The following ARHGAP45 variants were observed in gnomAD, a reference collection of about 807,000 sequenced individuals.
ARHGAP45 encodes rho GTPase-activating protein 45.
In ARHGAP45, 56 loss-of-function variants were observed where a neutral mutation model predicts 116.1. The observed-to-expected ratio is 0.48, with a 90% confidence interval of 0.39 to 0.60. ARHGAP45 has a LOEUF of 0.60. Among genes scored for constraint, ARHGAP45 ranks in the 20% least tolerant of loss-of-function variants. The pLI, the probability that ARHGAP45 is intolerant of heterozygous loss-of-function variation, is 0.00. For missense variants in ARHGAP45, 1,622 were observed against 1,601.0 expected, an observed-to-expected ratio of 1.01 and a Z score of -0.22; for synonymous variants, 866 against 701.7, an observed-to-expected ratio of 1.23 and a Z score of -3.70.
chr19:1,073,532 C>G lies in ARHGAP45; in HGVS notation c.592C>G (p.Leu198Val). ...KAFHYESNND[L>V]EKQEFEKALE... ...CTTCCATTATGAGAGCAACAATGATCTGGAGAAACAGGAGTTCGAGAAGGC... is the reference window on the plus strand; with the variant it reads ...CTTCCATTATGAGAGCAACAATGATGTGGAGAAACAGGAGTTCGAGAAGGC... The change falls in exon 4 of 23, where the codon CTG becomes GTG. Residue 198 changes from leucine (L) to valine (V), a missense_variant. Leu to Val is a conservative substitution (Grantham distance 32, BLOSUM62 1). Transcript: ENST00000313093. The G allele has an allele frequency of 6.8e-6, 11 of 1,614,028 alleles. No homozygotes were observed. The highest frequency in any genetic ancestry group is 8.5e-6 in the Non-Finnish European group (10 of 1,179,990).
At chr19:1,076,296 G>C (rs1453857301) in intron 10 of ARHGAP45, among the ~76,000 whole-genome samples, 4 of 152,006 alleles carry the variant, frequency 2.6e-5, no homozygotes, top group African/African-American at 4.8e-5. Context: ...CTTATCCTTT[G>C]CTTACTTTGT....
Position 1,080,934 on chromosome 19 carries a change from C to A in ARHGAP45, c.2060C>A (p.Pro687His), listed in dbSNP as rs920369946. ...ACCCCCGAGCTGCCGGTGGCCGTGC[C>A]CAGTGGACCGTTCCGCCACGAGGGG... ...GMTPELPVAV[P>H]SGPFRHEGLS... Residue 687 changes from proline (P) to histidine (H), a missense_variant, in exon 17 of 23, where the codon CCC becomes CAC. Around this residue, in one of 3 missense-constraint regions of ARHGAP45, gnomAD observed 1,334 missense variants for 1,263.8 expected, o/e 1.06. Transcript: ENST00000313093. The A allele has an allele frequency of 6.2e-7, 1 of 1,609,788 alleles. No homozygotes were observed. Among genetic ancestry groups the A allele is most frequent in the African/African-American group, 1.3e-5 (1 of 74,894 alleles).
intron 2 of ARHGAP45, among the ~76,000 whole-genome samples, chr19:1,072,515 A>G (rs2043159462): frequency 6.6e-6 from 1 of 152,108 alleles, no homozygotes; most frequent in South Asian, 2.1e-4. Flanking sequence ...TCAGCCTCCC[A>G]AAGTGCTGGG....
upstream of ARHGAP45, chr19:1,067,060 G>C: frequency 1.7e-6 from 1 of 586,420 alleles, no homozygotes; most frequent in Non-Finnish European, 2.2e-6. Context: ...TCAGGCAGGG[G>C]CTCCCGGTCC....
Position 1,073,283 on chromosome 19 carries a change from A to C in ARHGAP45, c.556A>C (p.Lys186Gln). 2 of 1,613,302 alleles carry C rather than the reference A, an allele frequency of 1.2e-6. No homozygotes were observed. Among genetic ancestry groups the C allele is most frequent in the Non-Finnish European group, 8.5e-7 (1 of 1,179,888 alleles). The change falls in exon 3 of 23, where the codon AAG becomes CAG. Residue 186 changes from lysine (K) to glutamine (Q), a missense_variant. Physicochemically the swap from Lys to Gln is moderately conservative, Grantham distance 53. Coordinates refer to ENST00000313093, the MANE Select transcript of ARHGAP45 (RefSeq NM_012292.5). ...CACCGCAGCCGGCACCCTCATTGCC[A>C]AGGTCAAAGGTCAGCCTGCTGGAAC... is the stretch of plus-strand genomic sequence containing the variant. ...TLTAAGTLIA[K>Q]VKAFHYESNN... is the part of the protein sequence containing the mutation.
In ARHGAP45 at chr19:1,083,306, T is replaced by C. The variant is rs2043500023; in HGVS notation, c.2908T>C (p.Tyr970His). ...CGTCATCGAGACTCTCATCGTCCAC[T>C]ACGGCCTGGTCTTCGAGGAGGAGCC... ...ARVIETLIVH[Y>H]GLVFEEEPEE... Residue 970 changes from tyrosine to histidine, a missense_variant, in exon 21 of 23, where the codon TAC becomes CAC. By Grantham distance (83) the Tyr-to-His change is moderately conservative (BLOSUM62 2). Coordinates refer to ENST00000313093, the MANE Select transcript of ARHGAP45 (RefSeq NM_012292.5). The C allele has an allele frequency of 6.4e-7, 1 of 1,574,658 alleles. No individual in the cohort carries two copies. Among genetic ancestry groups the C allele is most frequent in the Non-Finnish European group, 8.6e-7 (1 of 1,160,130 alleles).
At position 1,083,219 on chromosome 19, in the gene ARHGAP45, C is replaced by T; in HGVS notation, c.2821C>T (p.Pro941Ser). Residue 941 changes from proline (P) to serine (S), a missense_variant, in exon 21 of 23, where the codon CCA (proline) becomes TCA (serine). Physicochemically the swap from Pro to Ser is moderately conservative, Grantham distance 74. Coordinates refer to ENST00000313093, the MANE Select transcript of ARHGAP45 (RefSeq NM_012292.5). ...CGTGTTCGGGCCCACGCTGCTTCGG[C>T]CACGGCCCACCGAGGCCACCGTGTC... Reference protein sequence around the residue: ...GIVFGPTLLRPRPTEATVSLS... With the variant: ...GIVFGPTLLRSRPTEATVSLS... 6.2e-7 allele frequency: 1 copy of T among 1,609,360 alleles called. No homozygotes were observed. Among genetic ancestry groups the T allele is most frequent in the South Asian group, 1.1e-5 (1 of 90,136 alleles).
Position 1,080,007 on chromosome 19 carries a change from G to C in ARHGAP45, c.1592G>C (p.Ser531Thr), listed in dbSNP as rs1157973577. 6.2e-7 allele frequency: 1 copy of C among 1,612,856 alleles called. No individual in the cohort carries two copies. Among genetic ancestry groups the C allele is most frequent in the Non-Finnish European group, 8.5e-7 (1 of 1,179,926 alleles). ...PVHFQMLCES[S>T]KLYDPGQQYA... ...CACTTCCAGATGCTGTGTGAGAGCA[G>C]CAAGCTGTATGACCCAGGCCAGCAG... The change falls in exon 13 of 23, where the codon AGC becomes ACC. Residue 531 changes from serine to threonine, a missense_variant. Physicochemically the swap from Ser to Thr is moderately conservative, Grantham distance 58. Around this residue, in one of 3 missense-constraint regions of ARHGAP45, gnomAD observed 1,334 missense variants for 1,263.8 expected, o/e 1.06. Coordinates refer to ENST00000313093, the MANE Select transcript of ARHGAP45 (RefSeq NM_012292.5).
Position 1,086,085 on chromosome 19 carries a change from A to G in ARHGAP45, c.*79A>G. ...TCCAGCACGTCCCCTGCACCACGGC[A>G]TAGCTTAGGTGCGCCGTCCTGGGGT... On this transcript the variant is annotated 3_prime_UTR_variant, in exon 23 of 23. Transcript: ENST00000313093. 7.6e-7 allele frequency: 1 copy of G among 1,310,668 alleles called. No homozygotes were observed. The highest frequency in any genetic ancestry group is 1.1e-6 in the Non-Finnish European group (1 of 934,958). The allele number at this position is 1,310,668 out of a possible 1,614,324, so 81.2% of individuals were successfully genotyped here. A position where few individuals can be genotyped will look rare whatever the true frequency, so the allele number is the denominator to read the frequency against.
chr19:1,080,553 G>T lies in ARHGAP45; in HGVS notation c.1912+6G>T, dbSNP rs758968099. The T allele has an allele frequency of 5.0e-6, 8 of 1,612,660 alleles. No individual in the cohort carries two copies. Among genetic ancestry groups the T allele is most frequent in the Non-Finnish European group, 6.8e-6 (8 of 1,179,822 alleles). Reference sequence around the variant, plus strand: ...GGACCCCGGCCCTGGCGCAGGTGAGGGAGGCTCTCTGGCGGGCTGGGGTGT... The same window carrying T: ...GGACCCCGGCCCTGGCGCAGGTGAGTGAGGCTCTCTGGCGGGCTGGGGTGT... On this transcript the variant is annotated splice_donor_region_variant and intron_variant, in intron 15 of 22. Transcript: ENST00000313093.
intron 10 of ARHGAP45, among the ~76,000 whole-genome samples, chr19:1,076,786 C>T (rs531574274): frequency 2.0e-5 from 3 of 152,124 alleles, no homozygotes; most frequent in South Asian, 2.1e-4. Flanking sequence ...CATAAGACAC[C>T]GTGCTTGGCT....
chr19:1,068,225 G>A lies in ARHGAP45; in HGVS notation c.91-189G>A. The A allele has an allele frequency of 1.7e-6, 1 of 582,068 alleles. No individual in the cohort carries two copies. Among genetic ancestry groups the A allele is most frequent in the Non-Finnish European group, 3.0e-6 (1 of 338,204 alleles). The allele number at this position is 582,068 out of a possible 1,614,324, so 36.1% of individuals were successfully genotyped here. A position where few individuals can be genotyped will look rare whatever the true frequency, so the allele number is the denominator to read the frequency against. ...AGGACCGTTGTTTGTGAAAGCTCTA[G>A]GGAAGAGGATGTTGGGTAACAGGTG... On this transcript the variant is annotated intron_variant, in intron 1 of 22. Transcript: ENST00000313093. This position sits in a 1 kb window ranked among gnomAD's most constrained non-coding sequence, Gnocchi z 7.5.
Position 1,081,714 on chromosome 19 carries a change from C to CGA in ARHGAP45, c.2357_2358dup (p.Arg787SerfsTer16), listed in dbSNP as rs2043441298. ...TCGTCAAGAAGTGCGTCTGCGAGATCGAGCGGCGGGCGCTGCGCACCAAGG... is the reference window on the plus strand; with the variant it reads ...TCGTCAAGAAGTGCGTCTGCGAGATCGAGAGCGGCGGGCGCTGCGCACCAAGG... On this transcript the variant is annotated frameshift_variant, in exon 18 of 23. Coordinates refer to ENST00000313093, the MANE Select transcript of ARHGAP45 (RefSeq NM_012292.5). LOFTEE classifies it high-confidence loss of function. The CGA allele has an allele frequency of 6.3e-7, 1 of 1,583,566 alleles. No individual in the cohort carries two copies. Among genetic ancestry groups the CGA allele is most frequent in the Admixed American group, 1.7e-5 (1 of 57,370 alleles).
Position 1,077,308 on chromosome 19 carries a change from G to A in ARHGAP45, c.1186-549G>A, listed in dbSNP as rs1481731864. ...GCTTGGCTGCACCTCAGCTTCCCGG[G>A]CTGCAGAGTGGGCACACAGGACACC... On this transcript the variant is annotated intron_variant, in intron 10 of 22. Coordinates refer to ENST00000313093, the MANE Select transcript of ARHGAP45 (RefSeq NM_012292.5). 6.1e-6 allele frequency: 6 copies of A among 985,132 alleles called. No homozygotes were observed. The African/African-American group carries it at 8.7e-5, about 14-fold the overall frequency. 61.0% of individuals were successfully genotyped at this position (985,132 alleles called of 1,614,324 possible).
At chr19:1,066,691 G>A (rs750286960), upstream of ARHGAP45, 5 of 157,140 alleles carry the variant, frequency 3.2e-5, no homozygotes, top group Admixed American at 6.2e-5. Flanking sequence ...CCAGGGTTTC[G>A]GTTCTGGGCC....
rs2043094201 is a variant in ARHGAP45, at chr19:1,069,198, T to C, written c.421+454T>C. Among the ~76,000 whole-genome samples the C allele has an allele frequency of 6.6e-6, 1 of 151,846 alleles. No individual in the cohort carries two copies. The highest frequency in any genetic ancestry group is 1.5e-5 in the Non-Finnish European group (1 of 67,944). On this transcript the variant is annotated intron_variant, in intron 2 of 22. Coordinates refer to ENST00000313093, the MANE Select transcript of ARHGAP45 (RefSeq NM_012292.5). The surrounding 1 kb of genome is among the most constrained non-coding windows in gnomAD (Gnocchi z 4.1). ...TCTTGGAATGAAGCAAACTGGGGGT[T>C]GGCTGAGGTCTGGGTGGAGAGAGAT...
rs764299785 is a variant in ARHGAP45 at position 1,068,698 on chromosome 19, C to A, written c.375C>A (p.Arg125=). 1 of 1,612,646 alleles carries A rather than the reference C, an allele frequency of 6.2e-7. No individual in the cohort carries two copies. The highest frequency in any genetic ancestry group is 8.5e-7 in the Non-Finnish European group (1 of 1,180,016). ...DISHLLADVA[R]FAEGLEKLKE... is the part of the protein sequence containing the mutation. ...CCCATCTGCTGGCGGACGTGGCCCG[C>A]TTCGCTGAGGGCCTTGAGAAACTTA... The change falls in exon 2 of 23, where the codon CGC becomes CGA. Residue 125 remains arginine (R), a synonymous_variant. Coordinates refer to ENST00000313093, the MANE Select transcript of ARHGAP45 (RefSeq NM_012292.5). This position sits in a 1 kb window ranked among gnomAD's most constrained non-coding sequence, Gnocchi z 7.5.
intron 10 of ARHGAP45, 59 bp downstream of exon 10, chr19:1,074,938 TCCCAGC>T: frequency 7.1e-7 from 1 of 1,413,360 alleles, no homozygotes; most frequent in South Asian, 1.4e-5. Flanking sequence ...GCAGGCGCAG[TCCCAGC>T]CCCAGCCCCA....
Position 1,079,254 on chromosome 19 carries a change from C to T in ARHGAP45, c.1375-449C>T, listed in dbSNP as rs866050993. On this transcript the variant is annotated intron_variant, in intron 11 of 22. Coordinates refer to ENST00000313093, the MANE Select transcript of ARHGAP45 (RefSeq NM_012292.5). ...GGTGGCTCACACCTGTAATCCCAGC[C>T]CTTTGGGAGGCTGAGACGGGCAGAT... 5.6e-4 allele frequency among the ~76,000 whole-genome samples: 84 copies of T among 150,986 alleles called. 1 individual carries two copies. The highest frequency in any genetic ancestry group is 2.3e-3 in the South Asian group (11 of 4,748).
Sources: gnomAD v4.1 joint callset for allele counts (sites outside exome capture counted in the v4.1 genomes callset) on GRCh38, gnomAD v4.1.1 for gene constraint, gnomAD v4.1.1 regional missense constraint, Gnocchi (gnomAD v3.1) non-coding constraint, MANE v1.5 for transcripts, NCBI Gene and HGNC (gene_info 2026-07-23, HGNC 2026-07-21) for gene names.